Variants in HARBI1 observed in about 807,000 individuals in gnomAD.
HARBI1 encodes the protein harbinger transposase derived 1, also known as putative nuclease HARBI1.
A neutral mutation model predicts 25.3 loss-of-function variants in HARBI1; 15 were observed. That is an observed-to-expected ratio of 0.59 (90% CI 0.40 to 0.91). HARBI1 has a LOEUF of 0.91. Ranked by LOEUF, HARBI1 falls within the 40% of genes least tolerant of loss-of-function variation. The probability of loss-of-function intolerance (pLI) is 0.00; values close to 1 mark genes in which losing one functional copy is unlikely to be tolerated. For missense variants in HARBI1, 396 were observed against 445.8 expected (o/e 0.89, Z 1.01); for synonymous variants, 168 against 160.5 (o/e 1.05, Z -0.35).
In HARBI1 at chr11:46,615,612, C is replaced by G. The variant is rs750740861; in HGVS notation, c.626G>C (p.Ser209Thr). The G allele has an allele frequency of 2.5e-6, 4 of 1,614,198 alleles. No individual in the cohort carries two copies. In the Admixed American group the frequency reaches 6.7e-5, roughly 27 times the overall value. The stretch of plus-strand genomic sequence containing the variant: ...GTGCATACCCGCTTCAAACTGACTA[C>G]TGAGGGAAGACTGCTGCAGCACAGC... ...DCAVLQQSSLSSQFEAGMHKD... is the reference protein window; with the variant it reads ...DCAVLQQSSLTSQFEAGMHKD... The change falls in exon 2 of 3, where the codon AGT becomes ACT. Residue 209 changes from serine to threonine, a missense_variant. Physicochemically the swap from Ser to Thr is moderately conservative, Grantham distance 58 (BLOSUM62 1). Coordinates refer to ENST00000326737, the MANE Select transcript of HARBI1 (RefSeq NM_173811.4).
chr11:46,604,280 G>A (rs1035207934), intron 2 of HARBI1: 58 of 959,274 alleles, frequency 6.0e-5, no homozygotes, highest in South Asian at 9.6e-5. Context: ...AGGCTGAGGC[G>A]GGTGGATCAC....
chr11:46,605,522 T>C (rs1466071335), intron 2 of HARBI1, among the ~76,000 whole-genome samples: 1 of 151,034 alleles, frequency 6.6e-6, no homozygotes, highest in Admixed American at 6.6e-5. Context: ...ACTGTAAATA[T>C]CTAAGAAGTC....
chr11:46,612,970 ATTTTTTT>A (rs11301819), intron 2 of HARBI1, among the ~76,000 whole-genome samples: 4 of 34,744 alleles, frequency 1.2e-4, no homozygotes, highest in African/African-American at 5.1e-4. Flanking sequence ...CCACACCCGG[ATTTTTTT>A]TTTTTTTTTT....
In HARBI1 at chr11:46,617,208, A is replaced by T; in HGVS notation, c.-229T>A. 1 of 165,002 alleles carries T rather than the reference A, an allele frequency of 6.1e-6. No individual in the cohort carries two copies. The highest frequency in any genetic ancestry group is 1.3e-5 in the Non-Finnish European group (1 of 79,682). 10.2% of individuals were successfully genotyped at this position (165,002 alleles called of 1,614,324 possible). A position where few individuals can be genotyped will look rare whatever the true frequency, so the allele number is the denominator to read the frequency against. On this transcript the variant is annotated 5_prime_UTR_variant, in exon 1 of 3. Transcript: ENST00000326737. ...TCCTCCGGAACCGGCGACTGCACAG[A>T]GGCCGCCACGGCGCGCAACAGCGGC...
intron 2 of HARBI1, among the ~76,000 whole-genome samples, chr11:46,610,103 T>C (rs189547900): frequency 1.4e-4 from 21 of 151,282 alleles, no homozygotes; most frequent in Admixed American, 2.6e-4. Flanking sequence ...TCCACCCGCT[T>C]TGGCCTCCCA....
At chr11:46,617,041 T>C in intron 1 of HARBI1, 83 bp downstream of exon 1, 1 of 981,798 alleles carries the variant, frequency 1.0e-6, no homozygotes, top group Non-Finnish European at 1.2e-6. Flanking sequence ...GAAGCGACTC[T>C]GCCACTTTTA....
chr11:46,603,670 C>G lies in HARBI1; in HGVS notation c.910G>C (p.Glu304Gln), dbSNP rs752364425. 4 of 1,614,074 alleles carry G rather than the reference C, an allele frequency of 2.5e-6. No homozygotes were observed. In the South Asian group the frequency reaches 4.4e-5, roughly 18 times the overall value. ...GAGGACCAAACATCCATCCCATGCT[C>G]CAGGGAGATGTTGTGGAGGACACAA... The part of the protein sequence containing the change: ...ACCVLHNISL[E>Q]HGMDVWSSPM... Residue 304 changes from glutamate to glutamine, a missense_variant, in exon 3 of 3, where the codon GAG becomes CAG. Glu to Gln is a conservative substitution (Grantham distance 29). Transcript: ENST00000326737.
intron 2 of HARBI1, among the ~76,000 whole-genome samples, chr11:46,610,809 A>T (rs1478941632): frequency 6.6e-6 from 1 of 152,162 alleles, no homozygotes; most frequent in Admixed American, 6.6e-5. Context: ...AATGTAAAAA[A>T]CTACTTTAAA....
chr11:46,603,803 C>G lies in HARBI1; in HGVS notation c.777G>C (p.Val259=). The G allele has an allele frequency of 6.2e-7, 1 of 1,614,146 alleles. No homozygotes were observed. Among genetic ancestry groups the G allele is most frequent in the Non-Finnish European group, 8.5e-7 (1 of 1,180,028 alleles). The part of the protein sequence containing the change: ...YNMAHSATHS[V]IEKTFRTLCS... ...AGAGGGTTCGGAAAGTCTTCTCAAT[C>G]ACACTGTGAGTTGCAGAATGGGCCA... The change falls in exon 3 of 3, where the codon GTG becomes GTC. Residue 259 remains valine, a synonymous_variant. Coordinates refer to ENST00000326737, the MANE Select transcript of HARBI1 (RefSeq NM_173811.4).
chr11:46,606,373 T>C (rs1359823379), intron 2 of HARBI1, among the ~76,000 whole-genome samples: 7 of 150,596 alleles, frequency 4.6e-5, no homozygotes, highest in Non-Finnish European at 1.0e-4. Context: ...AGTGCAGTGG[T>C]GCAATCTCGG....
intron 2 of HARBI1, among the ~76,000 whole-genome samples, chr11:46,612,500 C>G (rs1191428437): frequency 6.6e-6 from 1 of 152,102 alleles, no homozygotes; most frequent in East Asian, 1.9e-4. Context: ...TTGGTTCACA[C>G]TGCTGAATGT....
Position 46,616,376 on chromosome 11 carries a change from TTC to T in HARBI1, c.-141_-140del. 2.1e-6 allele frequency: 3 copies of T among 1,446,808 alleles called. No homozygotes were observed. The highest frequency in any genetic ancestry group is 2.7e-6 in the Non-Finnish European group (3 of 1,107,672). The allele number at this position is 1,446,808 out of a possible 1,614,324, so 89.6% of individuals were successfully genotyped here. ...TTAAATGGCTCTGCCATTTATAATC[TTC>T]TCTCTGTAAATGTTAAAAGAAAAAA... On this transcript the variant is annotated 5_prime_UTR_variant, in exon 2 of 3. Coordinates refer to ENST00000326737, the MANE Select transcript of HARBI1 (RefSeq NM_173811.4).
chr11:46,603,811 G>C lies in HARBI1; in HGVS notation c.769C>G (p.His257Asp). ...CGGAAAGTCTTCTCAATCACACTGT[G>C]AGTTGCAGAATGGGCCATGTTATAG... ...YRYNMAHSATHSVIEKTFRTL... is the reference protein window; with the variant it reads ...YRYNMAHSATDSVIEKTFRTL... Residue 257 changes from histidine to aspartate, a missense_variant, in exon 3 of 3, where the codon CAC (histidine) becomes GAC (aspartate). Physicochemically the swap from His to Asp is moderately conservative, Grantham distance 81 (BLOSUM62 -1). Coordinates refer to ENST00000326737, the MANE Select transcript of HARBI1 (RefSeq NM_173811.4). 6.2e-7 allele frequency: 1 copy of C among 1,614,190 alleles called. No individual in the cohort carries two copies. The highest frequency in any genetic ancestry group is 8.5e-7 in the Non-Finnish European group (1 of 1,180,042).
chr11:46,615,597 G>C lies in HARBI1; in HGVS notation c.641C>G (p.Ala214Gly), dbSNP rs779291856. The C allele has an allele frequency of 1.2e-6, 2 of 1,614,046 alleles. No individual in the cohort carries two copies. Among genetic ancestry groups the C allele is most frequent in the Non-Finnish European group, 1.7e-6 (2 of 1,179,996 alleles). The part of the protein sequence containing the change: ...QQSSLSSQFE[A>G]GMHKDSWLLG... ...AAGCCAGCTATCTTTGTGCATACCC[G>C]CTTCAAACTGACTACTGAGGGAAGA... Residue 214 changes from alanine (A) to glycine (G), a missense_variant, in exon 2 of 3, where the codon GCG becomes GGG. Coordinates refer to ENST00000326737, the MANE Select transcript of HARBI1 (RefSeq NM_173811.4).
chr11:46,617,624 A>G, upstream of HARBI1: 1 of 224,762 alleles, frequency 4.4e-6, no homozygotes, highest in East Asian at 8.0e-5. Context: ...TGCTGGGCTT[A>G]AGGCGGGAGT....
At position 46,616,397 on chromosome 11, in the gene HARBI1, G is replaced by A; in HGVS notation, c.-144-16C>T. 2.8e-6 allele frequency: 4 copies of A among 1,423,554 alleles called. No homozygotes were observed. The highest frequency in any genetic ancestry group is 1.4e-5 in the African/African-American group (1 of 69,566). 88.2% of individuals were successfully genotyped at this position (1,423,554 alleles called of 1,614,324 possible). A position where few individuals can be genotyped will look rare whatever the true frequency, so the allele number is the denominator to read the frequency against. On this transcript the variant is annotated splice_polypyrimidine_tract_variant and intron_variant, in intron 1 of 2. Transcript: ENST00000326737. Reference sequence around the variant, plus strand: ...AATCTTCTCTCTGTAAATGTTAAAAGAAAAAACATTAGGAACCTACCAAAG... The same window carrying A: ...AATCTTCTCTCTGTAAATGTTAAAAAAAAAAACATTAGGAACCTACCAAAG...
At chr11:46,613,510 T>G (rs1211467674) in intron 2 of HARBI1, among the ~76,000 whole-genome samples, 11 of 131,802 alleles carry the variant, frequency 8.3e-5, no homozygotes, top group Non-Finnish European at 1.4e-4. Context: ...TGAGACAGAG[T>G]CTCCCTCTGT....
chr11:46,607,657 G>C (rs2045006896), intron 2 of HARBI1, among the ~76,000 whole-genome samples: 1 of 152,122 alleles, frequency 6.6e-6, no homozygotes, highest in Admixed American at 6.5e-5. Flanking sequence ...CTGGAAAACA[G>C]ACACTCAAGA....
chr11:46,609,379 C>T (rs2045085855), intron 2 of HARBI1, among the ~76,000 whole-genome samples: 2 of 151,020 alleles, frequency 1.3e-5, no homozygotes, highest in Non-Finnish European at 2.9e-5. Flanking sequence ...TGGAGTCTCA[C>T]TCTGTCATCC....
Sources: allele counts gnomAD v4.1 joint callset (sites outside exome capture counted in the v4.1 genomes callset), GRCh38; gene constraint gnomAD v4.1.1; transcripts MANE v1.5; gene names NCBI Gene and HGNC (gene_info 2026-07-23, HGNC 2026-07-21).